UGT1A10: variants seen among roughly 807,000 people sequenced by gnomAD.
UGT1A10 encodes UDP glucuronosyltransferase family 1 member A10, also known as UDP-glucuronosyltransferase 1A10.
In UGT1A10, 49 loss-of-function variants were observed where a neutral mutation model predicts 45.8. That is an observed-to-expected ratio of 1.07 (90% CI 0.85 to 1.36). The LOEUF (loss-of-function observed/expected upper bound fraction) is 1.36. UGT1A10 is among the 40% of genes most tolerant of loss of function. The pLI is 0.00. For synonymous variants in UGT1A10, 284 were observed against 249.7 expected (o/e 1.14, Z -1.29); for missense variants, 745 against 668.6 (o/e 1.11, Z -1.26).
At chr2:233,752,366 A>C (rs1575711623) in intron 1 of UGT1A10, 1 of 152,202 alleles carries the variant, frequency 6.6e-6, no homozygotes, top group Non-Finnish European at 1.5e-5. Context: ...TAGGGGTCTC[A>C]AGAGGGTCAT....
intron 1 of UGT1A10, among the ~76,000 whole-genome samples, chr2:233,703,870 A>T (rs4439950): frequency 1 from 151,412 of 152,146 alleles, 75,342 homozygotes; most frequent in East Asian, 1. Context: ...TGTAGATGGA[A>T]TTATGTCTAC....
intron 1 of UGT1A10, among the ~76,000 whole-genome samples, chr2:233,761,486 A>C (rs1697783062): frequency 6.6e-6 from 1 of 152,228 alleles, no homozygotes; most frequent in South Asian, 2.1e-4. Flanking sequence ...TGAAGCCTGC[A>C]CCTTGCCCTG....
intron 1 of UGT1A10, chr2:233,691,045 C>T (rs1175954453): frequency 1.0e-6 from 1 of 988,612 alleles, no homozygotes; most frequent in Non-Finnish European, 1.2e-6. Context: ...ACGTCCACAG[C>T]AGAGTGGAGG....
chr2:233,737,416 C>T (rs1321045619), intron 1 of UGT1A10, among the ~76,000 whole-genome samples: 5 of 152,210 alleles, frequency 3.3e-5, no homozygotes, highest in Non-Finnish European at 7.3e-5. Context: ...TTGGGAAAAG[C>T]ACAGTATTTG....
intron 1 of UGT1A10, among the ~76,000 whole-genome samples, chr2:233,711,092 G>A (rs138181984): frequency 6.6e-6 from 1 of 152,130 alleles, no homozygotes; most frequent in Admixed American, 6.5e-5. Flanking sequence ...AAGTCTATCT[G>A]TGCAGCCCAG....
chr2:233,702,232 C>T (rs963611809), intron 1 of UGT1A10, among the ~76,000 whole-genome samples: 1 of 152,150 alleles, frequency 6.6e-6, no homozygotes, highest in African/African-American at 2.4e-5. Context: ...ATGAATTTGC[C>T]TATTTCTATG....
intron 2 of UGT1A10, 93 bp downstream of exon 2, chr2:233,767,258 C>T (rs1454742513): frequency 1.3e-6 from 2 of 1,592,782 alleles, no homozygotes; most frequent in African/African-American, 1.3e-5. Context: ...TTAATTGGAA[C>T]CTTAGATTTG....
rs1700550070 is a variant in UGT1A10, at chr2:233,772,816, C to A, written c.*257C>A. 3 of 1,016,374 alleles carry A rather than the reference C, an allele frequency of 3.0e-6. No individual in the cohort carries two copies. The highest frequency in any genetic ancestry group is 3.1e-5 in the Admixed American group (1 of 31,990). 63.0% of individuals were successfully genotyped at this position (1,016,374 alleles called of 1,614,324 possible). ...CATGTGCCATTTTTCAGAGGACGTG[C>A]AGACAGGCTGGCATTCTAGATTACT... On this transcript the variant is annotated 3_prime_UTR_variant, in exon 5 of 5. Transcript: ENST00000344644.
At chr2:233,718,271 A>C (rs1315194917) in intron 1 of UGT1A10, among the ~76,000 whole-genome samples, 1 of 152,228 alleles carries the variant, frequency 6.6e-6, no homozygotes, top group Non-Finnish European at 1.5e-5. Flanking sequence ...GTGTGAAAAA[A>C]GACCAAAACC....
intron 1 of UGT1A10, chr2:233,729,416 CTCAACTGT>C (rs2077854535): frequency 6.2e-7 from 1 of 1,613,510 alleles, no homozygotes. Context: ...CTGGGCCACA[CTCAACTGT>C]ACTTTGAAAC....
chr2:233,636,529 C>A lies in UGT1A10; in HGVS notation c.7C>A (p.Arg3Ser). ...CTCGGGCTGCAGTTCTCTCATGGCT[C>A]GCGCAGGGTGGACCAGCCCCGTTCC... is the stretch of plus-strand genomic sequence containing the variant. MA[R>S]AGWTSPVPLC... Residue 3 changes from arginine to serine, a missense_variant, in exon 1 of 5, where the codon CGC becomes AGC. By Grantham distance (110) the Arg-to-Ser change is moderately radical (BLOSUM62 -1). Coordinates refer to ENST00000344644, the MANE Select transcript of UGT1A10 (RefSeq NM_019075.4). 6.2e-7 allele frequency: 1 copy of A among 1,611,880 alleles called. No individual in the cohort carries two copies. Among genetic ancestry groups the A allele is most frequent in the Non-Finnish European group, 8.5e-7 (1 of 1,178,660 alleles).
At chr2:233,754,864 C>T (rs1448859484) in intron 1 of UGT1A10, 1 of 1,352,042 alleles carries the variant, frequency 7.4e-7, no homozygotes, top group South Asian at 1.1e-5. Context: ...GGTGCAGACC[C>T]TCTGCTTCTG....
chr2:233,661,623 TTTTCTTTCTTTCTTTCTTTCTTTC>T (rs55749169), intron 1 of UGT1A10, among the ~76,000 whole-genome samples: 1,769 of 124,036 alleles, frequency 0.014, 17 homozygotes, highest in South Asian at 0.022. Context: ...ACTTACTGAA[TTTTCTTTCTTTCTTTCTTTCTTTC>T]TTTCTTTCTT....
intron 1 of UGT1A10, among the ~76,000 whole-genome samples, chr2:233,720,129 A>G (rs1275543977): frequency 1.3e-5 from 2 of 152,210 alleles, no homozygotes; most frequent in Admixed American, 6.5e-5. Context: ...AGGTGACCAC[A>G]GGAGACCTAG....
intron 1 of UGT1A10, chr2:233,754,420 G>A (rs2125925827): frequency 2.9e-6 from 1 of 342,686 alleles, no homozygotes; most frequent in East Asian, 7.5e-5. Context: ...ATAAAGACAG[G>A]CATTGGCATA....
chr2:233,741,869 C>T (rs992161093), intron 1 of UGT1A10: 4 of 151,862 alleles, frequency 2.6e-5, no homozygotes, highest in African/African-American at 7.3e-5. Flanking sequence ...CAAACCTTTC[C>T]TCAGAGGTGA....
chr2:233,686,572 T>C (rs1305349676), intron 1 of UGT1A10, among the ~76,000 whole-genome samples: 1 of 152,142 alleles, frequency 6.6e-6, no homozygotes, highest in Non-Finnish European at 1.5e-5. Flanking sequence ...TTTCAGAAGT[T>C]AGTGTGGATT....
At chr2:233,764,343 C>T (rs1313396621) in intron 1 of UGT1A10, among the ~76,000 whole-genome samples, 1 of 152,116 alleles carries the variant, frequency 6.6e-6, no homozygotes. Context: ...TGGACTTCAC[C>T]TTTATTGAGC....
intron 1 of UGT1A10, chr2:233,682,335 T>C: frequency 6.2e-7 from 1 of 1,614,168 alleles, no homozygotes; most frequent in Non-Finnish European, 8.5e-7. Flanking sequence ...GACCGAAAAT[T>C]AGTAGAATAC....
Sources: allele counts gnomAD v4.1 joint callset (sites outside exome capture counted in the v4.1 genomes callset), GRCh38; gene constraint gnomAD v4.1.1; transcripts MANE v1.5; gene names NCBI Gene and HGNC (gene_info 2026-07-23, HGNC 2026-07-21).